The following LRRTM4 variants were observed in gnomAD, a reference collection of about 807,000 sequenced individuals.
The protein encoded by LRRTM4 is leucine rich repeat transmembrane neuronal 4, also known as leucine-rich repeat transmembrane neuronal protein 4.
Under a neutral mutation model 47.6 loss-of-function variants are expected in LRRTM4, and 25 were observed. The ratio of observed to expected loss-of-function variants is 0.53; its 90% CI spans 0.38 to 0.73. The LOEUF (loss-of-function observed/expected upper bound fraction) is 0.73, where lower values mean the gene tolerates loss of function less well. LRRTM4 is among the 30% of genes least tolerant of loss of function. LRRTM4 has a pLI of 0.00. For missense variants in LRRTM4, 638 were observed against 713.4 expected (o/e 0.89, Z 1.20); for synonymous variants, 311 against 269.5 (o/e 1.15, Z -1.51).
intron 3 of LRRTM4, among the ~76,000 whole-genome samples, chr2:77,423,134 C>T (rs148231895): frequency 4.5e-4 from 69 of 152,098 alleles, no homozygotes; most frequent in African/African-American, 1.6e-3. Context: ...TGCTTTATTG[C>T]TAGATAATGG....
At chr2:77,295,018 A>T (rs1255864660) in intron 3 of LRRTM4, among the ~76,000 whole-genome samples, 1 of 152,100 alleles carries the variant, frequency 6.6e-6, no homozygotes, top group Non-Finnish European at 1.5e-5. Flanking sequence ...TATAAAAATG[A>T]CTCCAGGTGA....
chr2:76,795,821 G>C (rs1160686146), intron 3 of LRRTM4, among the ~76,000 whole-genome samples: 1 of 151,766 alleles, frequency 6.6e-6, no homozygotes, highest in East Asian at 2.0e-4. Context: ...AGCCAAGATG[G>C]CCAAATAGGA....
chr2:77,203,709 T>C (rs2103905173), intron 3 of LRRTM4, among the ~76,000 whole-genome samples: 1 of 152,322 alleles, frequency 6.6e-6, no homozygotes, highest in East Asian at 1.9e-4. Flanking sequence ...GCAGAAGTGT[T>C]GTTCAGAGGC....
chr2:77,114,751 C>T (rs866038734), intron 3 of LRRTM4, among the ~76,000 whole-genome samples: 34 of 152,150 alleles, frequency 2.2e-4, no homozygotes, highest in East Asian at 5.8e-4. Flanking sequence ...ATGGTGACCC[C>T]GAGCTGCAAA....
intron 3 of LRRTM4, among the ~76,000 whole-genome samples, chr2:77,175,938 C>T (rs1673183784): frequency 6.6e-6 from 1 of 150,954 alleles, no homozygotes; most frequent in Non-Finnish European, 1.5e-5. Context: ...GGATTACAGG[C>T]ATGAGCCACT....
chr2:77,410,243 A>G (rs1674365256), intron 3 of LRRTM4, among the ~76,000 whole-genome samples: 1 of 152,180 alleles, frequency 6.6e-6, no homozygotes, highest in Non-Finnish European at 1.5e-5. Context: ...GAACCACCAG[A>G]AACTTTTTCA....
At chr2:77,336,161 A>C (rs1366799109) in intron 3 of LRRTM4, among the ~76,000 whole-genome samples, 3 of 150,384 alleles carry the variant, frequency 2.0e-5, no homozygotes, top group Non-Finnish European at 3.0e-5. Flanking sequence ...GGAAGGGAGA[A>C]AGAAAGGAAG....
At chr2:77,224,240 C>G (rs550784172) in intron 3 of LRRTM4, among the ~76,000 whole-genome samples, 3 of 151,808 alleles carry the variant, frequency 2.0e-5, no homozygotes, top group Admixed American at 2.0e-4. Flanking sequence ...CATGTTAGAC[C>G]TAAAACCATA....
rs62160518 is a variant in LRRTM4, at chr2:77,224,326, G to A, written c.1551+293992C>T. ...CAAGGACTTCATGTCTAAAACACCA[G>A]AAGCAATGGCAACAAAAGCCAAAAA... On this transcript the variant is annotated intron_variant, in intron 3 of 3. Coordinates refer to ENST00000409884, the MANE Select transcript of LRRTM4 (RefSeq NM_001134745.3). Among the ~76,000 whole-genome samples the A allele has an allele frequency of 2.6e-5, 4 of 152,168 alleles. No homozygotes were observed. The East Asian group carries it at 5.8e-4, about 22-fold the overall frequency.
chr2:77,498,698 A>T (rs1468657137), intron 3 of LRRTM4, among the ~76,000 whole-genome samples: 1 of 151,786 alleles, frequency 6.6e-6, no homozygotes, highest in East Asian at 1.9e-4. Context: ...ACATTGCCTC[A>T]CCATATCCAA....
intron 3 of LRRTM4, among the ~76,000 whole-genome samples, chr2:76,960,133 T>C (rs954396636): frequency 2.0e-5 from 3 of 151,508 alleles, no homozygotes; most frequent in Admixed American, 6.6e-5. Flanking sequence ...TCATCCTAAT[T>C]ACCAAACAGT....
chr2:77,313,203 T>C (rs572126080), intron 3 of LRRTM4, among the ~76,000 whole-genome samples: 30 of 151,402 alleles, frequency 2.0e-4, no homozygotes, highest in African/African-American at 6.8e-4. Context: ...GTTGTGGTGA[T>C]GTGCCTCCCG....
intron 3 of LRRTM4, among the ~76,000 whole-genome samples, chr2:77,285,697 G>A (rs1393424485): frequency 3.3e-5 from 5 of 151,844 alleles, no homozygotes; most frequent in South Asian, 2.1e-4. Flanking sequence ...AGCTGAGATC[G>A]TACCATTGCA....
chr2:76,815,961 A>G (rs1190504841), intron 3 of LRRTM4, among the ~76,000 whole-genome samples: 1 of 151,562 alleles, frequency 6.6e-6, no homozygotes, highest in Non-Finnish European at 1.5e-5. Context: ...TCTAAATTTT[A>G]TTTTGTTTCT....
chr2:76,826,166 T>C (rs1573174353), intron 3 of LRRTM4, among the ~76,000 whole-genome samples: 1 of 151,868 alleles, frequency 6.6e-6, no homozygotes, highest in East Asian at 1.9e-4. Context: ...ATGGTAACTG[T>C]GCAGAAACAT....
At chr2:76,908,379 C>T (rs1208783791) in intron 3 of LRRTM4, among the ~76,000 whole-genome samples, 2 of 151,862 alleles carry the variant, frequency 1.3e-5, no homozygotes, top group African/African-American at 4.8e-5. Context: ...AACCCACAGC[C>T]AATATCATAC....
chr2:77,044,550 G>A (rs2103750757), intron 3 of LRRTM4, among the ~76,000 whole-genome samples: 1 of 151,618 alleles, frequency 6.6e-6, no homozygotes, highest in South Asian at 2.1e-4. Context: ...GGGTGTGTGT[G>A]TCTGTGAGTG....
chr2:76,885,571 T>A (rs1458440403), intron 3 of LRRTM4, among the ~76,000 whole-genome samples: 1 of 151,344 alleles, frequency 6.6e-6, no homozygotes, highest in Admixed American at 6.6e-5. Context: ...CACGCCATTC[T>A]CCCGCCTCAG....
At chr2:76,853,156 C>T (rs2103979507) in intron 3 of LRRTM4, among the ~76,000 whole-genome samples, 1 of 152,088 alleles carries the variant, frequency 6.6e-6, no homozygotes, top group East Asian at 1.9e-4. Context: ...AGGTTTGATG[C>T]AATCACATTT....
Sources: gnomAD v4.1 joint callset for allele counts (sites outside exome capture counted in the v4.1 genomes callset) on GRCh38, gnomAD v4.1.1 for gene constraint, MANE v1.5 for transcripts, NCBI Gene and HGNC (gene_info 2026-07-23, HGNC 2026-07-21) for gene names.